SYT9: variants seen among roughly 807,000 people sequenced by gnomAD.
The protein encoded by SYT9 is synaptotagmin-9.
Under a neutral mutation model 48.4 loss-of-function variants are expected in SYT9, and 22 were observed. That is an observed-to-expected ratio of 0.45 (90% CI 0.32 to 0.65). SYT9 has a LOEUF of 0.65. SYT9 is among the 30% of genes least tolerant of loss of function. SYT9 has a pLI of 0.03. For synonymous variants in SYT9, 265 were observed against 245.0 expected (o/e 1.08, Z -0.76); for missense variants, 577 against 622.0 (o/e 0.93, Z 0.77).
intron 6 of SYT9, among the ~76,000 whole-genome samples, chr11:7,434,276 A>C (rs1046849980): frequency 1.3e-5 from 2 of 152,172 alleles, no homozygotes; most frequent in African/African-American, 4.8e-5. Context: ...GTTCAAGATA[A>C]CAAAATATAA....
At chr11:7,314,703 A>G (rs907489325) in intron 3 of SYT9, among the ~76,000 whole-genome samples, 2 of 152,188 alleles carry the variant, frequency 1.3e-5, no homozygotes, top group African/African-American at 4.8e-5. Flanking sequence ...AGAAAGGAAA[A>G]TTGAACATTC....
intron 1 of SYT9, among the ~76,000 whole-genome samples, chr11:7,295,607 T>C (rs924503513): frequency 1.3e-5 from 2 of 152,248 alleles, no homozygotes; most frequent in African/African-American, 4.8e-5. Flanking sequence ...TGTAAGCTTT[T>C]TCAAGCATGC....
intron 1 of SYT9, among the ~76,000 whole-genome samples, chr11:7,265,884 C>A (rs1292694364): frequency 1.3e-5 from 2 of 152,018 alleles, no homozygotes; most frequent in African/African-American, 2.4e-5. Context: ...GGTACATAAA[C>A]CCTGTGAAAA....
intron 2 of SYT9, among the ~76,000 whole-genome samples, chr11:7,306,730 G>C (rs1849038810): frequency 6.6e-6 from 1 of 152,120 alleles, no homozygotes; most frequent in Admixed American, 6.6e-5. Flanking sequence ...TCCATCTGAA[G>C]TCTGTGTTCT....
rs58554896 is a variant in SYT9 at position 7,369,794 on chromosome 11, AACACAC to A, written c.1045-46224_1045-46219del. 3.5e-3 allele frequency among the ~76,000 whole-genome samples: 499 copies of A among 143,986 alleles called. 3 individuals are homozygous for A. Among genetic ancestry groups the A allele is most frequent in the African/African-American group, 0.012 (458 of 38,876 alleles). The allele number at this position is 143,986 out of a possible 152,430, so 94.5% of individuals were successfully genotyped here. A position where few individuals can be genotyped will look rare whatever the true frequency, so the allele number is the denominator to read the frequency against. On this transcript the variant is annotated intron_variant, in intron 3 of 6. Coordinates refer to ENST00000318881, the MANE Select transcript of SYT9 (RefSeq NM_175733.4). ...CATACACACCACACACACACACACA[AACACAC>A]ACACACACACACACACACACACAAA...
chr11:7,399,299 T>G (rs576404498), intron 3 of SYT9, among the ~76,000 whole-genome samples: 1 of 152,158 alleles, frequency 6.6e-6, no homozygotes, highest in Admixed American at 6.5e-5. Flanking sequence ...AGAAGTTAAT[T>G]TAAAAAATTG....
rs1848366950 is a variant in SYT9 at position 7,468,329 on chromosome 11, C to T, written c.*1529C>T. 7.5e-6 allele frequency: 3 copies of T among 398,474 alleles called. No individual in the cohort carries two copies. Among genetic ancestry groups the T allele is most frequent in the Middle Eastern group, 6.2e-4 (1 of 1,610 alleles). 24.7% of individuals were successfully genotyped at this position (398,474 alleles called of 1,614,324 possible). A position where few individuals can be genotyped will look rare whatever the true frequency, so the allele number is the denominator to read the frequency against. ...TATACAAGAAGCTCTACTTTGATGG[C>T]AGATCTAAGAAGGCTATAGGCCTTT... On this transcript the variant is annotated 3_prime_UTR_variant, in exon 7 of 7. Transcript: ENST00000318881.
intron 3 of SYT9, among the ~76,000 whole-genome samples, chr11:7,328,299 G>T (rs1307369425): frequency 6.6e-6 from 1 of 151,132 alleles, no homozygotes. Flanking sequence ...AAATACATGT[G>T]GATTTATTTC....
chr11:7,287,903 T>C (rs180871247), intron 1 of SYT9, among the ~76,000 whole-genome samples: 153 of 152,318 alleles, frequency 1.0e-3, no homozygotes, highest in African/African-American at 3.5e-3. Context: ...CTTATGTTTT[T>C]ATTGTTTCCT....
intron 3 of SYT9, among the ~76,000 whole-genome samples, chr11:7,316,110 G>T (rs1205305008): frequency 2.0e-5 from 3 of 150,546 alleles, no homozygotes; most frequent in African/African-American, 7.3e-5. Flanking sequence ...GCTGAGATTT[G>T]CCATGATTCT....
intron 6 of SYT9, among the ~76,000 whole-genome samples, chr11:7,424,541 A>T (rs1268829928): frequency 6.6e-6 from 1 of 152,212 alleles, no homozygotes; most frequent in Non-Finnish European, 1.5e-5. Flanking sequence ...CCAAGTTTTC[A>T]TCGCTTCCCT....
intron 3 of SYT9, among the ~76,000 whole-genome samples, chr11:7,365,005 G>T (rs373997800): frequency 6.6e-6 from 1 of 152,114 alleles, no homozygotes; most frequent in Non-Finnish European, 1.5e-5. Context: ...CTCAATTTGT[G>T]CCCTGATGTG....
At chr11:7,340,388 C>A (rs1302681819) in intron 3 of SYT9, among the ~76,000 whole-genome samples, 1 of 152,320 alleles carries the variant, frequency 6.6e-6, no homozygotes, top group Non-Finnish European at 1.5e-5. Context: ...TTGTAACAAA[C>A]CCTTGTTAAA....
At chr11:7,324,098 A>G (rs1849385172) in intron 3 of SYT9, among the ~76,000 whole-genome samples, 1 of 151,970 alleles carries the variant, frequency 6.6e-6, no homozygotes, top group Non-Finnish European at 1.5e-5. Flanking sequence ...AATTCAATTT[A>G]TTTGATGATT....
chr11:7,380,802 C>G (rs953821674), intron 3 of SYT9, among the ~76,000 whole-genome samples: 2 of 152,048 alleles, frequency 1.3e-5, no homozygotes, highest in African/African-American at 4.8e-5. Flanking sequence ...TAAGACTAAA[C>G]CATAAAGCCT....
intron 3 of SYT9, among the ~76,000 whole-genome samples, chr11:7,406,101 G>A (rs1204152627): frequency 6.6e-6 from 1 of 152,098 alleles, no homozygotes; most frequent in Non-Finnish European, 1.5e-5. Context: ...TGCATAGAAT[G>A]TGTCTTCGTC....
At chr11:7,404,315 T>C (rs1331145528) in intron 3 of SYT9, among the ~76,000 whole-genome samples, 1 of 152,194 alleles carries the variant, frequency 6.6e-6, no homozygotes, top group Non-Finnish European at 1.5e-5. Context: ...TAGTTTAGTT[T>C]AAATTTACTA....
At chr11:7,454,898 A>G (rs1848119815) in intron 6 of SYT9, among the ~76,000 whole-genome samples, 1 of 152,194 alleles carries the variant, frequency 6.6e-6, no homozygotes, top group South Asian at 2.1e-4. Context: ...TCTAAGTCAC[A>G]CAAAGGCCCA....
intron 6 of SYT9, among the ~76,000 whole-genome samples, chr11:7,425,646 A>G (rs911720436): frequency 6.6e-6 from 1 of 152,226 alleles, no homozygotes; most frequent in Non-Finnish European, 1.5e-5. Flanking sequence ...AGGTCTTTGG[A>G]AACACCTGAA....
Sources: allele counts gnomAD v4.1 joint callset (sites outside exome capture counted in the v4.1 genomes callset), GRCh38; gene constraint gnomAD v4.1.1; transcripts MANE v1.5; gene names NCBI Gene and HGNC (gene_info 2026-07-23, HGNC 2026-07-21).